Variants in OR1R1 observed in about 807,000 individuals in gnomAD.
OR1R1 encodes olfactory receptor family 1 subfamily R member 1, also known as olfactory receptor 1R1.
At chr17:3,386,425 C>A in the OR1R1 span, 64 of 398,514 alleles carry the variant, frequency 1.6e-4, no homozygotes, top group African/African-American at 5.5e-4. Context: ...CCTCTCCGCG[C>A]TCTCCTACCC....
the OR1R1 span, chr17:3,386,416 C>G: frequency 1.3e-5 from 5 of 398,452 alleles, no homozygotes; most frequent in African/African-American, 2.1e-5. Flanking sequence ...CACGCTGCTC[C>G]TCTCCGCGCT....
chr17:3,386,509 G>A, the OR1R1 span: 2 of 398,332 alleles, frequency 5.0e-6, no homozygotes, highest in African/African-American at 2.1e-5. Flanking sequence ...GGACACGTCC[G>A]CCGCGGAGAC....
At chr17:3,385,984 G>T in the OR1R1 span, 1 of 370,068 alleles carries the variant, frequency 2.7e-6, no homozygotes, top group Non-Finnish European at 4.6e-6. Context: ...CGGCCTGGTG[G>T]ACGGAACAGA....
At chr17:3,386,314 C>G in the OR1R1 span, 1 of 398,278 alleles carries the variant, frequency 2.5e-6, no homozygotes, top group Non-Finnish European at 4.4e-6. Context: ...GGCGTGCCGG[C>G]CCCTGCGCTA....
the OR1R1 span, chr17:3,386,378 C>A: frequency 2.5e-6 from 1 of 398,206 alleles, no homozygotes; most frequent in South Asian, 1.3e-4. Context: ...GCGTCGTGGG[C>A]CGTGACGCAC....
chr17:3,386,669 C>CG, the OR1R1 span: 1 of 398,720 alleles, frequency 2.5e-6, no homozygotes, highest in African/African-American at 2.1e-5. Flanking sequence ...GTGGCGGTGG[C>CG]GGTGGCGCTT....
At chr17:3,386,643 C>A in the OR1R1 span, 1 of 396,900 alleles carries the variant, frequency 2.5e-6, no homozygotes, top group Non-Finnish European at 4.4e-6. Flanking sequence ...CCTTCTCCAC[C>A]TGCGGGGCCC....
At chr17:3,386,134 G>A in the OR1R1 span, 4 of 398,788 alleles carry the variant, frequency 1.0e-5, no homozygotes, top group Non-Finnish European at 8.8e-6. Flanking sequence ...CCTGAGCCTC[G>A]TGGACGTCTG....
At chr17:3,386,795 T>C in the OR1R1 span, 1 of 398,548 alleles carries the variant, frequency 2.5e-6, no homozygotes, top group Admixed American at 4.4e-5. Flanking sequence ...AACCCTTTCA[T>C]CAACAGCCTT....
At chr17:3,386,154 C>A in the OR1R1 span, 6 of 398,818 alleles carry the variant, frequency 1.5e-5, no homozygotes, top group Non-Finnish European at 2.7e-5. Context: ...GCTTTACCAC[C>A]GTCACGGTCC....
chr17:3,386,241 C>T, the OR1R1 span: 2 of 398,568 alleles, frequency 5.0e-6, no homozygotes, highest in Admixed American at 4.4e-5. Context: ...TGTACTTCTT[C>T]GTGGCTCTGG....
chr17:3,386,782 T>C, the OR1R1 span: 1 of 398,582 alleles, frequency 2.5e-6, no homozygotes, highest in Non-Finnish European at 4.4e-6. Context: ...CACGCCGACC[T>C]TGAACCCTTT....
At chr17:3,386,533 G>A in the OR1R1 span, 1 of 398,372 alleles carries the variant, frequency 2.5e-6, no homozygotes. Context: ...CATCTTCTCC[G>A]AGGGCCTGGC....
chr17:3,386,001 C>T, the OR1R1 span: 1 of 398,660 alleles, frequency 2.5e-6, no homozygotes, highest in East Asian at 3.6e-5. Context: ...CAGACGCCCA[C>T]CCGCTGCTGT....
the OR1R1 span, chr17:3,386,375 G>T: frequency 7.5e-6 from 3 of 398,190 alleles, no homozygotes; most frequent in Non-Finnish European, 4.4e-6. Flanking sequence ...CGTGCGTCGT[G>T]GGCCGTGACG....
At chr17:3,386,408 C>G in the OR1R1 span, 5 of 398,446 alleles carry the variant, frequency 1.3e-5, no homozygotes, top group Non-Finnish European at 2.2e-5. Flanking sequence ...CTGCTGCACA[C>G]GCTGCTCCTC....
chr17:3,386,294 G>T, the OR1R1 span: 1 of 398,398 alleles, frequency 2.5e-6, no homozygotes, highest in Non-Finnish European at 4.4e-6. Context: ...TCCTACGACC[G>T]CCCGACGGCG....
chr17:3,386,264 G>C, the OR1R1 span: 8 of 398,646 alleles, frequency 2.0e-5, no homozygotes, highest in Middle Eastern at 6.2e-4. Flanking sequence ...ATCACCGAGA[G>C]CTACCTCCTG....
At chr17:3,386,623 C>A in the OR1R1 span, 259 of 398,596 alleles carry the variant, frequency 6.5e-4, 2 homozygotes, top group East Asian at 9.0e-3. Flanking sequence ...TGCCGGCGGC[C>A]GGCGCCGCGC....
Sources: allele counts gnomAD v4.1 joint callset, GRCh38; gene constraint gnomAD v4.1.1; transcripts MANE v1.5; gene names NCBI Gene and HGNC (gene_info 2026-07-23, HGNC 2026-07-21).